RFTN2: variants seen among roughly 807,000 people sequenced by gnomAD.
RFTN2 encodes raftlin family member 2.
In RFTN2, 34 loss-of-function variants were observed where a neutral mutation model predicts 52.7. That is an observed-to-expected ratio of 0.64 (90% CI 0.49 to 0.86). The LOEUF is 0.86. Among genes scored for constraint, RFTN2 ranks in the 40% least tolerant of loss-of-function variants. The pLI, the probability that RFTN2 is intolerant of heterozygous loss-of-function variation, is 0.00. For missense variants in RFTN2, 536 were observed against 600.1 expected (o/e 0.89, Z 1.12); for synonymous variants, 203 against 217.7 (o/e 0.93, Z 0.59).
chr2:197,666,765 C>T (rs1465618152), intron 1 of RFTN2, among the ~76,000 whole-genome samples: 1 of 152,074 alleles, frequency 6.6e-6, no homozygotes, highest in Non-Finnish European at 1.5e-5. Flanking sequence ...TCCAATAATT[C>T]GAGTATTTGG....
rs60384360 is a variant in RFTN2 at position 197,629,675 on chromosome 2, T to TACACACACACACACACACAC, written c.928+1316_928+1335dup. ...TATGAAGAAATATTTTTAATTTTTA[T>TACACACACACACACACACAC]ACACACACACACACACACACACACA... On this transcript the variant is annotated intron_variant, in intron 5 of 8. Coordinates refer to ENST00000295049, the MANE Select transcript of RFTN2 (RefSeq NM_144629.3). Among the ~76,000 whole-genome samples, 732 of 146,584 alleles carry TACACACACACACACACACAC rather than the reference T, an allele frequency of 5.0e-3. 9 individuals are homozygous for TACACACACACACACACACAC. The highest frequency in any genetic ancestry group is 0.017 in the African/African-American group (679 of 39,212).
intron 1 of RFTN2, among the ~76,000 whole-genome samples, chr2:197,670,184 A>G (rs1020719756): frequency 4.6e-5 from 7 of 152,208 alleles, no homozygotes; most frequent in Non-Finnish European, 1.5e-5. Context: ...GGAGAGTTGA[A>G]TAGTTGTGAC....
chr2:197,651,814 A>G (rs2088831512), intron 1 of RFTN2, among the ~76,000 whole-genome samples: 1 of 152,242 alleles, frequency 6.6e-6, no homozygotes, highest in Admixed American at 6.5e-5. Context: ...ATGATGCAAG[A>G]AAAATAAAGA....
chr2:197,615,990 A>C lies in RFTN2; in HGVS notation c.1051-11T>G, dbSNP rs2088134838. The C allele has an allele frequency of 1.7e-5, 26 of 1,493,088 alleles. No individual in the cohort carries two copies. The highest frequency in any genetic ancestry group is 2.3e-5 in the Non-Finnish European group (25 of 1,093,234). 92.5% of individuals were successfully genotyped at this position (1,493,088 alleles called of 1,614,324 possible). A position where few individuals can be genotyped will look rare whatever the true frequency, so the allele number is the denominator to read the frequency against. ...TTTGATTTCACATCCCTGCATGAATAAGTATAAGAGCTCATAGTCTAATGG... is the reference window on the plus strand; with the variant it reads ...TTTGATTTCACATCCCTGCATGAATCAGTATAAGAGCTCATAGTCTAATGG... On this transcript the variant is annotated splice_polypyrimidine_tract_variant and intron_variant, in intron 6 of 8. Coordinates refer to ENST00000295049, the MANE Select transcript of RFTN2 (RefSeq NM_144629.3).
chr2:197,669,776 C>T (rs974241978), intron 1 of RFTN2, among the ~76,000 whole-genome samples: 2 of 152,228 alleles, frequency 1.3e-5, no homozygotes, highest in Non-Finnish European at 2.9e-5. Flanking sequence ...CAGTACCAGT[C>T]TGCAGCCTGG....
intron 1 of RFTN2, among the ~76,000 whole-genome samples, chr2:197,669,889 C>T (rs563596404): frequency 9.8e-5 from 15 of 152,300 alleles, no homozygotes; most frequent in Admixed American, 2.0e-4. Flanking sequence ...ATGCTCCTGT[C>T]CCCTCCGTAA....
rs2087279081 is a variant in RFTN2 at position 197,569,261 on chromosome 2, A to C, written c.*2747T>G. On this transcript the variant is annotated 3_prime_UTR_variant, in exon 9 of 9. Coordinates refer to ENST00000295049, the MANE Select transcript of RFTN2 (RefSeq NM_144629.3). ...TAACTTACAGGTTTTAAAAATTCAC[A>C]TGCCAGAGCCCCTAAGGAAATCATA... 1 of 152,214 alleles carries C rather than the reference A, an allele frequency of 6.6e-6. No homozygotes were observed. The highest frequency in any genetic ancestry group is 2.4e-5 in the African/African-American group (1 of 41,444). 9.4% of individuals were successfully genotyped at this position (152,214 alleles called of 1,614,324 possible). A position where few individuals can be genotyped will look rare whatever the true frequency, so the allele number is the denominator to read the frequency against.
intron 5 of RFTN2, among the ~76,000 whole-genome samples, chr2:197,629,731 A>ATTTTAT (rs1553602937): frequency 2.7e-5 from 4 of 147,082 alleles, no homozygotes; most frequent in South Asian, 4.3e-4. Context: ...ATTTTATTTT[A>ATTTTAT]TTTTTTTTTG....
intron 7 of RFTN2, among the ~76,000 whole-genome samples, chr2:197,613,965 C>T (rs1259847304): frequency 1.3e-5 from 2 of 152,214 alleles, no homozygotes; most frequent in Non-Finnish European, 1.5e-5. Context: ...TGATGCTGCC[C>T]TCTAATCTCT....
intron 4 of RFTN2, among the ~76,000 whole-genome samples, chr2:197,633,055 C>T (rs1391553300): frequency 6.6e-6 from 1 of 152,068 alleles, no homozygotes; most frequent in African/African-American, 2.4e-5. Flanking sequence ...TATATGTAGC[C>T]TTTGCTTTTC....
At chr2:197,674,791 C>T (rs79453577) in intron 1 of RFTN2, among the ~76,000 whole-genome samples, 1 of 142,052 alleles carries the variant, frequency 7.0e-6, no homozygotes, top group Non-Finnish European at 1.5e-5. Flanking sequence ...AGAAGGCTAT[C>T]TTTTTTTTTT....
chr2:197,593,151 A>G (rs981821783), intron 8 of RFTN2, among the ~76,000 whole-genome samples: 4 of 152,168 alleles, frequency 2.6e-5, no homozygotes, highest in African/African-American at 7.2e-5. Flanking sequence ...TATACTTCCC[A>G]TTATATAAAT....
intron 1 of RFTN2, among the ~76,000 whole-genome samples, chr2:197,665,394 C>T (rs540458926): frequency 6.6e-6 from 1 of 152,120 alleles, no homozygotes; most frequent in South Asian, 2.1e-4. Context: ...TGAAGTCTAT[C>T]TCTCTCTTTA....
intron 8 of RFTN2, among the ~76,000 whole-genome samples, chr2:197,579,261 C>T (rs1397924874): frequency 6.6e-6 from 1 of 152,162 alleles, no homozygotes; most frequent in Non-Finnish European, 1.5e-5. Context: ...GTAAGCACCA[C>T]CTTGCCTGGG....
intron 1 of RFTN2, among the ~76,000 whole-genome samples, chr2:197,671,806 T>C (rs982009068): frequency 1.3e-5 from 2 of 152,224 alleles, no homozygotes; most frequent in Non-Finnish European, 2.9e-5. Flanking sequence ...CAATTTTCTG[T>C]TGGGTTTTAG....
intron 6 of RFTN2, 21 bp from the exon 7 acceptor site, chr2:197,616,000 G>A (rs1432655008): frequency 2.1e-6 from 3 of 1,420,040 alleles, no homozygotes; most frequent in Non-Finnish European, 2.9e-6. Flanking sequence ...AAGTATAAGA[G>A]CTCATAGTCT....
intron 7 of RFTN2, among the ~76,000 whole-genome samples, chr2:197,609,828 C>G (rs899527861): frequency 6.6e-5 from 10 of 152,146 alleles, no homozygotes; most frequent in African/African-American, 2.2e-4. Context: ...TTTCAGCTTT[C>G]TGCATATGGC....
intron 8 of RFTN2, among the ~76,000 whole-genome samples, chr2:197,582,961 A>C (rs765780168): frequency 2.6e-5 from 4 of 152,092 alleles, no homozygotes; most frequent in Non-Finnish European, 4.4e-5. Flanking sequence ...CCCCCACTGA[A>C]TCTTTCAGCT....
chr2:197,659,240 C>G (rs143123698), intron 1 of RFTN2, among the ~76,000 whole-genome samples: 14 of 152,210 alleles, frequency 9.2e-5, no homozygotes, highest in Non-Finnish European at 1.3e-4. Context: ...ATGGCTCACA[C>G]CTGTAATCCC....
Sources: allele counts gnomAD v4.1 joint callset (sites outside exome capture counted in the v4.1 genomes callset), GRCh38; gene constraint gnomAD v4.1.1; transcripts MANE v1.5; gene names NCBI Gene and HGNC (gene_info 2026-07-23, HGNC 2026-07-21).